The following HDAC4 variants were observed in gnomAD, a reference collection of about 807,000 sequenced individuals.
HDAC4 encodes histone deacetylase A.
A neutral mutation model predicts 135.1 loss-of-function variants in HDAC4; 16 were observed. That is an observed-to-expected ratio of 0.12 (90% CI 0.08 to 0.18). The LOEUF (loss-of-function observed/expected upper bound fraction) is 0.18. Ranked by LOEUF, HDAC4 falls within the 10% of genes least tolerant of loss-of-function variation. HDAC4 has a pLI of 1.00. For missense variants in HDAC4, 1,143 were observed against 1,511.8 expected (o/e 0.76, Z 4.05); for synonymous variants, 685 against 653.4 (o/e 1.05, Z -0.74).
intron 2 of HDAC4, among the ~76,000 whole-genome samples, chr2:239,258,638 C>A (rs1455588117): frequency 1.3e-5 from 2 of 152,178 alleles, no homozygotes; most frequent in Non-Finnish European, 2.9e-5. Context: ...GACATTCTCA[C>A]ACCTGATCTC....
chr2:239,205,474 T>C (rs2045988809), intron 3 of HDAC4, among the ~76,000 whole-genome samples: 1 of 152,152 alleles, frequency 6.6e-6, no homozygotes, highest in South Asian at 2.1e-4. Context: ...GAAGCTATTC[T>C]GCAAGAAAGC....
chr2:239,298,205 C>T lies in HDAC4; in HGVS notation c.22+54473G>A, dbSNP rs1429395967. On this transcript the variant is annotated intron_variant, in intron 2 of 26. Coordinates refer to ENST00000543185, the MANE Select transcript of HDAC4 (RefSeq NM_001378414.1). ...CAGCAAGCTCAGGGAACAGCAGAGG[C>T]CCGTCTCGGTATTCCGGAAGCAGCC... 4.7e-6 allele frequency: 6 copies of T among 1,289,334 alleles called. No individual in the cohort carries two copies. The Admixed American group carries it at 1.4e-4, about 30-fold the overall frequency. The allele number at this position is 1,289,334 out of a possible 1,614,324, so 79.9% of individuals were successfully genotyped here. A position where few individuals can be genotyped will look rare whatever the true frequency, so the allele number is the denominator to read the frequency against.
rs2040821975 is a variant in HDAC4, at chr2:239,134,583, T to A, written c.1039A>T (p.Thr347Ser). 6.2e-7 allele frequency: 1 copy of A among 1,614,086 alleles called. No individual in the cohort carries two copies. The highest frequency in any genetic ancestry group is 8.5e-7 in the Non-Finnish European group (1 of 1,180,010). ...EGSAAPLPLY[T>S]SPSLPNITLG... The stretch of plus-strand genomic sequence containing the variant: ...GTGATGTTGGGCAAGGATGGCGATG[T>A]GTAGAGGGGAAGTGGAGCGGCCGAG... Residue 347 changes from threonine (T) to serine (S), a missense_variant, in exon 10 of 27, where the codon ACA becomes TCA. By Grantham distance (58) the Thr-to-Ser change is moderately conservative (BLOSUM62 1). Coordinates refer to ENST00000543185, the MANE Select transcript of HDAC4 (RefSeq NM_001378414.1).
At chr2:239,154,046 C>T (rs2042273637) in intron 7 of HDAC4, among the ~76,000 whole-genome samples, 1 of 152,164 alleles carries the variant, frequency 6.6e-6, no homozygotes, top group Non-Finnish European at 1.5e-5. Flanking sequence ...GGGGAGGAGC[C>T]AGTGCAAATA....
rs553120010 is a variant in HDAC4 at position 239,234,424 on chromosome 2, G to A, written c.94+2169C>T. 1.5e-4 allele frequency among the ~76,000 whole-genome samples: 23 copies of A among 152,256 alleles called. No homozygotes were observed. In the South Asian group the frequency reaches 4.3e-3, roughly 29 times the overall value. On this transcript the variant is annotated intron_variant, in intron 3 of 26. Coordinates refer to ENST00000543185, the MANE Select transcript of HDAC4 (RefSeq NM_001378414.1). ...TCCCAACATGCCACTTCTCAAGTCC[G>A]GCGGCTCACCCCAAAGGAAGAGAAT...
intron 6 of HDAC4, 80 bp from the exon 7 acceptor site, chr2:239,156,853 G>T: frequency 6.4e-7 from 1 of 1,557,204 alleles, no homozygotes; most frequent in Non-Finnish European, 8.8e-7. Context: ...AGCCACACAC[G>T]ATGATCTTTC....
chr2:239,385,547 A>T (rs1166363554), intron 1 of HDAC4, among the ~76,000 whole-genome samples: 1 of 152,168 alleles, frequency 6.6e-6, no homozygotes, highest in Non-Finnish European at 1.5e-5. Flanking sequence ...CTCAGCCTCA[A>T]GCCCCCTGCC....
chr2:239,139,539 T>C lies in HDAC4; in HGVS notation c.978+145A>G. The stretch of plus-strand genomic sequence containing the variant: ...GAGAGTAACCTCCAACTGCGTCCTT[T>C]TTAGGATGGCTCACAGGCCACTTTC... On this transcript the variant is annotated intron_variant, in intron 9 of 26. Transcript: ENST00000543185. The surrounding 1 kb of genome is among the most constrained non-coding windows in gnomAD (Gnocchi z 5.3). The C allele has an allele frequency of 1.3e-6, 1 of 789,030 alleles. No individual in the cohort carries two copies. 48.9% of individuals were successfully genotyped at this position (789,030 alleles called of 1,614,324 possible).
At chr2:239,148,813 T>G (rs1325602236) in intron 7 of HDAC4, among the ~76,000 whole-genome samples, 1 of 152,156 alleles carries the variant, frequency 6.6e-6, no homozygotes, top group Non-Finnish European at 1.5e-5. Context: ...CACCGGGCAG[T>G]GGGGCCAGAA....
chr2:239,383,348 C>T (rs1228763623), intron 1 of HDAC4, among the ~76,000 whole-genome samples: 1 of 152,128 alleles, frequency 6.6e-6, no homozygotes, highest in Non-Finnish European at 1.5e-5. Context: ...GCTGGACAAA[C>T]GTCAGTGTCT....
At chr2:239,368,311 G>C (rs755589128) in intron 1 of HDAC4, among the ~76,000 whole-genome samples, 11 of 152,182 alleles carry the variant, frequency 7.2e-5, no homozygotes, top group Admixed American at 1.3e-4. Context: ...AGAGACACAG[G>C]AACTTGGCTG....
intron 2 of HDAC4, among the ~76,000 whole-genome samples, chr2:239,316,111 T>C (rs1023916935): frequency 7.2e-5 from 11 of 152,154 alleles, no homozygotes; most frequent in African/African-American, 2.7e-4. Flanking sequence ...AACTGAAATA[T>C]CCTTCATCTA....
chr2:239,383,705 C>T lies in HDAC4; in HGVS notation c.-220+17273G>A, dbSNP rs1049336902. On this transcript the variant is annotated intron_variant, in intron 1 of 26. Coordinates refer to ENST00000543185, the MANE Select transcript of HDAC4 (RefSeq NM_001378414.1). ...CGCCTCAGCAGCTCTCACTCAAGGG[C>T]GTGGGGTGGGGGGCAGGGTAGAGCA... Among the ~76,000 whole-genome samples, 7 of 150,802 alleles carry T rather than the reference C, an allele frequency of 4.6e-5. No homozygotes were observed. The East Asian group carries it at 1.4e-3, about 30-fold the overall frequency.
At chr2:239,209,585 T>C (rs56122162) in intron 3 of HDAC4, among the ~76,000 whole-genome samples, 24,984 of 152,254 alleles carry the variant, frequency 0.16, 2,569 homozygotes, top group East Asian at 0.35. Flanking sequence ...GCAGACACTA[T>C]TGGAAAATAT....
intron 2 of HDAC4, among the ~76,000 whole-genome samples, chr2:239,249,963 G>A (rs1047484543): frequency 2.6e-5 from 4 of 152,172 alleles, no homozygotes; most frequent in South Asian, 4.1e-4. Flanking sequence ...CTGCTGTGAC[G>A]CGTCATCCAA....
intron 2 of HDAC4, among the ~76,000 whole-genome samples, chr2:239,296,141 C>G (rs563549670): frequency 3.3e-5 from 5 of 152,368 alleles, no homozygotes; most frequent in African/African-American, 9.6e-5. Context: ...GGAGCCTGCA[C>G]AGGCTGACCT....
intron 3 of HDAC4, among the ~76,000 whole-genome samples, chr2:239,228,057 C>G (rs1002194629): frequency 6.6e-6 from 1 of 152,158 alleles, no homozygotes; most frequent in South Asian, 2.1e-4. Context: ...GTGGAAGGGA[C>G]GGTGGTTGAG....
chr2:239,192,777 T>C (rs653976), intron 3 of HDAC4, among the ~76,000 whole-genome samples: 55,658 of 152,114 alleles, frequency 0.37, 11,506 homozygotes, highest in South Asian at 0.52. Context: ...GCCCGTGCTT[T>C]CCAGGGATAA....
At chr2:239,097,416 C>T (rs1481422972) in intron 16 of HDAC4, among the ~76,000 whole-genome samples, 2 of 152,258 alleles carry the variant, frequency 1.3e-5, no homozygotes, top group African/African-American at 4.8e-5. Flanking sequence ...ACGGACCCGC[C>T]ACTGCCTGGA....
Sources: allele counts gnomAD v4.1 joint callset (sites outside exome capture counted in the v4.1 genomes callset), GRCh38; gene constraint gnomAD v4.1.1; non-coding constraint Gnocchi (gnomAD v3.1); transcripts MANE v1.5; gene names NCBI Gene and HGNC (gene_info 2026-07-23, HGNC 2026-07-21).